The following CADM2 variants were observed in gnomAD, a reference collection of about 807,000 sequenced individuals.
CADM2 encodes cell adhesion molecule 2.
Under a neutral mutation model 49.8 loss-of-function variants are expected in CADM2, and 12 were observed. The observed-to-expected ratio is 0.24, with a 90% CI of 0.15 to 0.39. The LOEUF (loss-of-function observed/expected upper bound fraction) is 0.39. Ranked by LOEUF, CADM2 falls within the 10% of genes least tolerant of loss-of-function variation. The pLI, the probability that CADM2 is intolerant of heterozygous loss-of-function variation, is 1.00. For missense variants in CADM2, 378 were observed against 492.3 expected, an observed-to-expected ratio of 0.77 and a Z score of 2.20; for synonymous variants, 214 against 175.4, an observed-to-expected ratio of 1.22 and a Z score of -1.74.
intron 1 of CADM2, among the ~76,000 whole-genome samples, chr3:85,415,710 T>G (rs1239106692): frequency 6.6e-6 from 1 of 152,128 alleles, no homozygotes; most frequent in Non-Finnish European, 1.5e-5. Flanking sequence ...ATACAAACTA[T>G]GTACTTCAAA....
intron 1 of CADM2, among the ~76,000 whole-genome samples, chr3:85,365,576 T>A (rs1240379258): frequency 6.6e-6 from 1 of 152,156 alleles, no homozygotes; most frequent in Non-Finnish European, 1.5e-5. Context: ...CACTCCTGAT[T>A]TTTTATGTAT....
intron 1 of CADM2, among the ~76,000 whole-genome samples, chr3:85,000,795 A>G (rs1436149322): frequency 6.6e-6 from 1 of 150,862 alleles, no homozygotes; most frequent in Non-Finnish European, 1.5e-5. Context: ...ATGTGTATAT[A>G]CAGACACAAA....
At chr3:85,385,296 C>T (rs112837334) in intron 1 of CADM2, among the ~76,000 whole-genome samples, 2,912 of 151,976 alleles carry the variant, frequency 0.019, 82 homozygotes, top group African/African-American at 0.065. Flanking sequence ...AGAAAAGAAA[C>T]AATGATATGC....
At chr3:85,894,366 G>A (rs1263609007) in intron 5 of CADM2, among the ~76,000 whole-genome samples, 1 of 152,054 alleles carries the variant, frequency 6.6e-6, no homozygotes, top group Non-Finnish European at 1.5e-5. Context: ...GAAGTGGGGA[G>A]GGATAGCATT....
intron 8 of CADM2, among the ~76,000 whole-genome samples, chr3:86,027,018 T>A (rs1408285033): frequency 1.3e-5 from 2 of 152,106 alleles, no homozygotes; most frequent in African/African-American, 2.4e-5. Context: ...AGATTTATAA[T>A]ACTCAAGAAA....
intron 1 of CADM2, among the ~76,000 whole-genome samples, chr3:85,605,584 A>G (rs112863690): frequency 1.3e-5 from 2 of 152,024 alleles, no homozygotes; most frequent in Non-Finnish European, 2.9e-5. Context: ...AGTGTTTTCT[A>G]TGTTCCTGTG....
At chr3:85,517,393 T>G (rs775307529) in intron 1 of CADM2, among the ~76,000 whole-genome samples, 2 of 152,136 alleles carry the variant, frequency 1.3e-5, no homozygotes, top group South Asian at 2.1e-4. Context: ...ATTCTAGGAT[T>G]TATAGCCCTT....
In CADM2 at chr3:85,839,973, G is replaced by A. The variant is rs546882029; in HGVS notation, c.238+37777G>A. On this transcript the variant is annotated intron_variant, in intron 3 of 9. Transcript: ENST00000383699. ...TTCTCACAGGGACATGTTCATTAAC[G>A]AGAATAAAGATTCTACTCAGAATTG... 1.6e-3 allele frequency among the ~76,000 whole-genome samples: 250 copies of A among 151,906 alleles called. 3 individuals carry two copies. The highest frequency in any genetic ancestry group is 5.9e-3 in the African/African-American group (246 of 41,474).
intron 1 of CADM2, among the ~76,000 whole-genome samples, chr3:84,983,837 A>T (rs1050921263): frequency 6.6e-6 from 1 of 152,118 alleles, no homozygotes; most frequent in Non-Finnish European, 1.5e-5. Context: ...ACACAACACA[A>T]GTGGGGCTTT....
intron 1 of CADM2, among the ~76,000 whole-genome samples, chr3:84,996,062 A>G (rs927815854): frequency 6.6e-6 from 1 of 152,146 alleles, no homozygotes; most frequent in Non-Finnish European, 1.5e-5. Context: ...TTCAAGCAAA[A>G]TCTGGCAATT....
At chr3:85,042,250 A>G (rs1420286131) in intron 1 of CADM2, among the ~76,000 whole-genome samples, 1 of 152,174 alleles carries the variant, frequency 6.6e-6, no homozygotes, top group Non-Finnish European at 1.5e-5. Context: ...TGAGAACAAC[A>G]GCTTCAACCC....
chr3:85,642,160 T>G (rs1035046103), intron 1 of CADM2, among the ~76,000 whole-genome samples: 1 of 152,216 alleles, frequency 6.6e-6, no homozygotes, highest in Non-Finnish European at 1.5e-5. Context: ...TGTCTCCTCA[T>G]ACTTAGATAG....
intron 8 of CADM2, among the ~76,000 whole-genome samples, chr3:85,973,309 G>A (rs965905644): frequency 1.3e-5 from 2 of 151,636 alleles, no homozygotes; most frequent in African/African-American, 4.8e-5. Context: ...CAGAAATGTA[G>A]TGCACCATGG....
At chr3:85,886,085 T>A (rs557101487) in intron 4 of CADM2, 105 bp from the exon 5 acceptor site, 1 of 1,511,524 alleles carries the variant, frequency 6.6e-7, no homozygotes, top group African/African-American at 1.4e-5. Context: ...ATCGAACTTC[T>A]TGTCAATTAA....
Position 85,886,189 on chromosome 3 carries a change from G to A in CADM2, c.392-1G>A. The A allele has an allele frequency of 6.2e-7, 1 of 1,612,450 alleles. No individual in the cohort carries two copies. On this transcript the variant is annotated splice_acceptor_variant, in intron 4 of 9. Transcript: ENST00000383699. LOFTEE classifies it high-confidence loss of function. ...CACTTCATCATTCGCTTAAATTTCA[G>A]GTGTTCCTGAAAAGCCTCAGATTAG...
At chr3:84,984,588 T>A (rs1444609780) in intron 1 of CADM2, among the ~76,000 whole-genome samples, 1 of 151,160 alleles carries the variant, frequency 6.6e-6, no homozygotes, top group Non-Finnish European at 1.5e-5. Flanking sequence ...TCCAGCTTTA[T>A]ATTCCTTAAA....
chr3:85,837,089 A>T (rs1243814147), intron 3 of CADM2, among the ~76,000 whole-genome samples: 1 of 151,588 alleles, frequency 6.6e-6, no homozygotes, highest in African/African-American at 2.4e-5. Context: ...ACATTCCATG[A>T]TCTGAGATAT....
chr3:85,537,341 T>A (rs1247314593), intron 1 of CADM2, among the ~76,000 whole-genome samples: 4 of 152,068 alleles, frequency 2.6e-5, no homozygotes, highest in South Asian at 2.1e-4. Flanking sequence ...AAAACATTTT[T>A]AAAAAATTAG....
chr3:85,885,345 CG>C, intron 4 of CADM2, among the ~76,000 whole-genome samples: 1 of 141,772 alleles, frequency 7.1e-6, no homozygotes, highest in South Asian at 2.3e-4. Flanking sequence ...GAGACCAGCC[CG>C]GCCAACATGA....
Sources: allele counts gnomAD v4.1 joint callset (sites outside exome capture counted in the v4.1 genomes callset), GRCh38; gene constraint gnomAD v4.1.1; transcripts MANE v1.5; gene names NCBI Gene and HGNC (gene_info 2026-07-23, HGNC 2026-07-21).